Variants in CASK observed in about 807,000 individuals in gnomAD.
CASK encodes the protein calcium/calmodulin dependent serine protein kinase, also known as peripheral plasma membrane protein CASK.
Under a neutral mutation model 82.9 loss-of-function variants are expected in CASK, and 4 were observed. The observed-to-expected ratio is 0.05, with a 90% CI of 0.02 to 0.11. CASK has a LOEUF of 0.11. CASK is among the 10% of genes least tolerant of loss of function. The pLI, the probability that CASK is intolerant of heterozygous loss-of-function variation, is 1.00. For missense variants in CASK, 358 were observed against 720.9 expected (o/e 0.50, Z 5.76); for synonymous variants, 259 against 253.5 (o/e 1.02, Z -0.20).
intron 1 of CASK, among the ~76,000 whole-genome samples, chrX:41,878,002 T>C (rs940375072): frequency 1.7e-4 from 19 of 110,488 alleles, no homozygotes; most frequent in African/African-American, 6.2e-4. Context: ...AAAATACATT[T>C]TAAACACAAT....
intron 9 of CASK, among the ~76,000 whole-genome samples, chrX:41,629,587 AT>A (rs1213826912): frequency 9.0e-6 from 1 of 111,300 alleles, no homozygotes; most frequent in Non-Finnish European, 1.9e-5. Context: ...GGGGTCAGCA[AT>A]TTTTTTTCTG....
chrX:41,812,068 AAC>A (rs1305641321), intron 2 of CASK, among the ~76,000 whole-genome samples: 2 of 111,730 alleles, frequency 1.8e-5, no homozygotes, highest in Non-Finnish European at 3.8e-5. Flanking sequence ...ATAGACCAAT[AAC>A]AGGCTCTGAA....
In CASK at chrX:41,531,083, A is replaced by G; in HGVS notation, c.2444T>C (p.Met815Thr). The change falls in exon 25 of 27, where the codon ATG becomes ACG. Residue 815 changes from methionine to threonine, a missense_variant. By Grantham distance (81) the Met-to-Thr change is moderately conservative. Around this residue, in one of 5 missense-constraint regions of CASK, gnomAD observed 118 missense variants for 169.4 expected, o/e 0.70. Transcript: ENST00000378163. Reference protein sequence around the residue: ...YLEYGSHEDAMYGTKLETIRK... With the variant: ...YLEYGSHEDATYGTKLETIRK... ...GATGGTCTCCAGTTTTGTCCCATAC[A>G]TCGCATCCTCGTGGCTGCCGTACTC... 8.3e-7 allele frequency: 1 copy of G among 1,211,437 alleles called. No individual in the cohort carries two copies. Among genetic ancestry groups the G allele is most frequent in the East Asian group, 3.0e-5 (1 of 33,856 alleles).
intron 21 of CASK, among the ~76,000 whole-genome samples, chrX:41,546,125 C>T (rs1212273827): frequency 9.0e-6 from 1 of 111,499 alleles, no homozygotes; most frequent in African/African-American, 3.3e-5. Flanking sequence ...GGGTGCCTGC[C>T]ACCACGCCCA....
At chrX:41,543,099 G>A (rs2064970730) in intron 21 of CASK, among the ~76,000 whole-genome samples, 1 of 112,317 alleles carries the variant, frequency 8.9e-6, no homozygotes, top group Non-Finnish European at 1.9e-5. Context: ...TTCAACACAG[G>A]CCTGGTTTGA....
intron 1 of CASK, among the ~76,000 whole-genome samples, chrX:41,921,869 C>A (rs1601980320): frequency 5.0e-5 from 2 of 39,743 alleles, no homozygotes; most frequent in African/African-American, 1.0e-4. Flanking sequence ...GCACCGCTTC[C>A]AAAAAAAAAA....
intron 5 of CASK, among the ~76,000 whole-genome samples, chrX:41,731,460 A>G (rs2068395194): frequency 8.9e-6 from 1 of 112,061 alleles, no homozygotes. Flanking sequence ...AACTTCTAAA[A>G]ATAATTATTT....
Position 41,553,883 on chromosome X carries a change from T to C in CASK, c.1875A>G (p.Pro625=), listed in dbSNP as rs1367069499. The C allele has an allele frequency of 1.7e-6, 2 of 1,204,508 alleles. No individual in the cohort carries two copies. The highest frequency in any genetic ancestry group is 2.2e-6 in the Non-Finnish European group (2 of 890,390). Residue 625 remains proline (P), a synonymous_variant, in exon 21 of 27, where the codon CCA becomes CCG. Transcript: ENST00000378163. ...IYVRAQFEYD[P]AKDDLIPCKE... ...TACAGGGGATGAGGTCATCCTTGGC[T>C]GGATCATATTCAAATTGTGCTCTTA...
chrX:41,809,144 G>A (rs1367805297), intron 2 of CASK, among the ~76,000 whole-genome samples: 2 of 112,494 alleles, frequency 1.8e-5, no homozygotes, highest in African/African-American at 6.5e-5. Context: ...TCCTGCCTCT[G>A]TAGACTCCAC....
At chrX:41,760,298 C>T (rs996368553) in intron 3 of CASK, among the ~76,000 whole-genome samples, 1 of 111,736 alleles carries the variant, frequency 8.9e-6, no homozygotes, top group African/African-American at 3.3e-5. Flanking sequence ...ATATAAATCA[C>T]GATGAGTTAC....
intron 10 of CASK, among the ~76,000 whole-genome samples, chrX:41,625,247 G>A (rs1349122320): frequency 5.0e-5 from 5 of 99,335 alleles, no homozygotes; most frequent in East Asian, 3.2e-4. Context: ...GTGCAGTGGC[G>A]TGATCTCGGC....
chrX:41,876,360 G>A (rs1241099499), intron 1 of CASK, among the ~76,000 whole-genome samples: 1 of 111,410 alleles, frequency 9.0e-6, no homozygotes, highest in Non-Finnish European at 1.9e-5. Context: ...CTGGTTCAGT[G>A]AGAATCCGGG....
chrX:41,828,652 T>C (rs1016519782), intron 2 of CASK, among the ~76,000 whole-genome samples: 33 of 111,784 alleles, frequency 3.0e-4, no homozygotes, highest in Non-Finnish European at 5.6e-4. Flanking sequence ...TCTACTATAC[T>C]GATGGGGAGG....
chrX:41,529,277 T>C (rs1238660499), intron 25 of CASK, among the ~76,000 whole-genome samples: 2 of 111,308 alleles, frequency 1.8e-5, no homozygotes, highest in African/African-American at 6.5e-5. Flanking sequence ...CTGCTGTGGG[T>C]GTCCTGAGGA....
At chrX:41,571,014 C>T (rs1250815654) in intron 15 of CASK, 1 of 112,047 alleles carries the variant, frequency 8.9e-6, no homozygotes, top group African/African-American at 3.2e-5. Context: ...AGTATATGTG[C>T]TGCTGAAGTG....
At chrX:41,773,348 C>T (rs1249908136) in intron 3 of CASK, among the ~76,000 whole-genome samples, 41 of 99,916 alleles carry the variant, frequency 4.1e-4, no homozygotes, top group African/African-American at 1.5e-3. Context: ...GCCCTATGGC[C>T]TGGATGACAG....
intron 1 of CASK, among the ~76,000 whole-genome samples, chrX:41,901,713 G>A (rs1014357707): frequency 1.8e-5 from 2 of 111,030 alleles, no homozygotes; most frequent in Non-Finnish European, 3.8e-5. Context: ...GTGTGCATGG[G>A]GAACAGCCTA....
Position 41,923,528 on chromosome X carries a change from C to T in CASK, c.-540G>A, listed in dbSNP as rs1262498623. 1 of 111,432 alleles carries T rather than the reference C, an allele frequency of 9.0e-6. No homozygotes were observed. Among genetic ancestry groups the T allele is most frequent in the Non-Finnish European group, 1.9e-5 (1 of 52,725 alleles). The allele number at this position is 111,432 out of a possible 1,213,427, so 9.2% of individuals were successfully genotyped here. Reference sequence around the variant, plus strand: ...CGCTCCCTCCTCTTTCTCCTCCTCCCGCAGCCGCCACCGCCCGCCCGGGAG... The same window carrying T: ...CGCTCCCTCCTCTTTCTCCTCCTCCTGCAGCCGCCACCGCCCGCCCGGGAG... On this transcript the variant is annotated 5_prime_UTR_variant, in exon 1 of 27. Transcript: ENST00000378163.
intron 2 of CASK, among the ~76,000 whole-genome samples, chrX:41,840,785 TATGATCAAATA>T (rs75947498): frequency 0.18 from 20,036 of 111,301 alleles, 1,517 homozygotes; most frequent in Middle Eastern, 0.3. Context: ...CATCTACTAA[TATGATCAAATA>T]ATTTTTCTTC....
Sources: allele counts gnomAD v4.1 joint callset (sites outside exome capture counted in the v4.1 genomes callset), GRCh38; gene constraint gnomAD v4.1.1; regional missense constraint gnomAD v4.1.1; transcripts MANE v1.5; gene names NCBI Gene and HGNC (gene_info 2026-07-23, HGNC 2026-07-21).